OSBPL9: variants seen among roughly 807,000 people sequenced by gnomAD.
The protein encoded by OSBPL9 is oxysterol-binding protein-related protein 9.
A neutral mutation model predicts 106.6 loss-of-function variants in OSBPL9; 40 were observed. The observed-to-expected ratio is 0.38, with a 90% confidence interval of 0.29 to 0.49. The LOEUF (loss-of-function observed/expected upper bound fraction) is 0.49. OSBPL9 is among the 20% of genes least tolerant of loss of function. The pLI is 0.97. For synonymous variants in OSBPL9, 269 were observed against 295.4 expected (o/e 0.91, Z 0.92); for missense variants, 609 against 887.2 (o/e 0.69, Z 3.98).
chr1:51,683,957 G>A (rs936891879), intron 3 of OSBPL9, among the ~76,000 whole-genome samples: 2 of 151,972 alleles, frequency 1.3e-5, no homozygotes, highest in African/African-American at 2.4e-5. Context: ...TTGGTCAAAG[G>A]GTACAAAGTT....
upstream of OSBPL9, among the ~76,000 whole-genome samples, chr1:51,615,292 A>C (rs182617754): frequency 2.0e-4 from 31 of 152,206 alleles, no homozygotes; most frequent in East Asian, 3.7e-3. Context: ...AACAAAAAAA[A>C]CAGAAACTCA....
chr1:51,745,438 A>G (rs905467029), intron 4 of OSBPL9, 98 bp from the exon 5 acceptor site: 12 of 1,504,326 alleles, frequency 8.0e-6, no homozygotes, highest in Non-Finnish European at 1.1e-5. Context: ...TGTATTTTAA[A>G]AATTGAAATG....
chr1:51,745,666 A>G (rs1302691358), intron 5 of OSBPL9, 35 bp downstream of exon 5: 1 of 1,449,990 alleles, frequency 6.9e-7, no homozygotes, highest in South Asian at 1.5e-5. Flanking sequence ...ATTTATATAA[A>G]TAGAAAATGT....
chr1:51,608,943 T>C (rs954470778), intron 2 of OSBPL9, among the ~76,000 whole-genome samples: 5 of 152,160 alleles, frequency 3.3e-5, no homozygotes. Flanking sequence ...GGGACCCTTA[T>C]TGCTACTTCC....
intron 2 of OSBPL9, among the ~76,000 whole-genome samples, chr1:51,662,997 G>A (rs945549844): frequency 6.6e-6 from 1 of 152,018 alleles, no homozygotes; most frequent in African/African-American, 2.4e-5. Flanking sequence ...GCCCGCCTTG[G>A]CCTCCCAAAG....
intron 15 of OSBPL9, among the ~76,000 whole-genome samples, chr1:51,779,740 T>C (rs548909072): frequency 6.6e-6 from 1 of 151,776 alleles, no homozygotes; most frequent in African/African-American, 2.4e-5. Context: ...AAAAGTGGGC[T>C]AAGGACATGA....
chr1:51,662,270 T>G (rs546188735), intron 2 of OSBPL9, among the ~76,000 whole-genome samples: 14 of 152,140 alleles, frequency 9.2e-5, no homozygotes, highest in African/African-American at 2.4e-4. Context: ...GTATAAAGAC[T>G]TGAGTCTTGA....
chr1:51,558,149 G>A, the OSBPL9 span, among the ~76,000 whole-genome samples: 2 of 151,894 alleles, frequency 1.3e-5, no homozygotes, highest in African/African-American at 2.4e-5. Context: ...GCGTAGTGGC[G>A]GGCGCCTGTA....
the OSBPL9 span, chr1:51,519,318 G>T: frequency 1.5e-4 from 66 of 438,788 alleles, no homozygotes; most frequent in Admixed American, 2.4e-4. Context: ...GGCCGCAGGC[G>T]AGGCCGGGGC....
intron 2 of OSBPL9, among the ~76,000 whole-genome samples, chr1:51,666,445 A>G (rs942084788): frequency 6.6e-6 from 1 of 152,210 alleles, no homozygotes; most frequent in African/African-American, 2.4e-5. Flanking sequence ...TAAAATAATT[A>G]TTTTAAAAAT....
intron 1 of OSBPL9, among the ~76,000 whole-genome samples, chr1:51,621,782 T>C (rs551657857): frequency 1.3e-5 from 2 of 152,338 alleles, no homozygotes; most frequent in African/African-American, 4.8e-5. Flanking sequence ...ATTTACTCTG[T>C]AGAATTTTCT....
At chr1:51,545,104 A>C in the OSBPL9 span, among the ~76,000 whole-genome samples, 14 of 152,148 alleles carry the variant, frequency 9.2e-5, no homozygotes, top group Non-Finnish European at 1.6e-4. Flanking sequence ...TTGGCCTCCC[A>C]ATGTGCTGGG....
chr1:51,731,469 A>G (rs1664393368), intron 4 of OSBPL9, among the ~76,000 whole-genome samples: 1 of 152,004 alleles, frequency 6.6e-6, no homozygotes, highest in Non-Finnish European at 1.5e-5. Flanking sequence ...AAACAAAACA[A>G]AACAAAAAGG....
At chr1:51,703,159 T>C (rs1432754832) in intron 3 of OSBPL9, among the ~76,000 whole-genome samples, 1 of 152,208 alleles carries the variant, frequency 6.6e-6, no homozygotes, top group Non-Finnish European at 1.5e-5. Flanking sequence ...TTTAAAGTAG[T>C]TTTTTCCAAT....
the OSBPL9 span, among the ~76,000 whole-genome samples, chr1:51,536,265 A>G: frequency 6.6e-6 from 1 of 152,078 alleles, no homozygotes; most frequent in African/African-American, 2.4e-5. Context: ...CAGGTAATGC[A>G]TTATACTTAA....
chr1:51,528,800 C>T, the OSBPL9 span, among the ~76,000 whole-genome samples: 1 of 151,540 alleles, frequency 6.6e-6, no homozygotes. Flanking sequence ...TTCAGCCCTC[C>T]AGGGCAGAGG....
At chr1:51,781,097 G>T in intron 15 of OSBPL9, 67 bp from the exon 16 acceptor site, 1 of 1,495,092 alleles carries the variant, frequency 6.7e-7, no homozygotes, top group South Asian at 1.2e-5. Flanking sequence ...ACCATGCTGG[G>T]GGTTGTTGCA....
At chr1:51,735,056 G>A (rs1665354527) in intron 4 of OSBPL9, among the ~76,000 whole-genome samples, 1 of 152,136 alleles carries the variant, frequency 6.6e-6, no homozygotes, top group Admixed American at 6.5e-5. Context: ...TGCTCTAGGA[G>A]GCTGACTTTT....
chr1:51,654,708 CTAT>C (rs144832297), intron 2 of OSBPL9, among the ~76,000 whole-genome samples: 30 of 151,496 alleles, frequency 2.0e-4, no homozygotes, highest in South Asian at 4.2e-4. Context: ...TAAATACAGT[CTAT>C]TATTATTATT....
Sources: gnomAD v4.1 joint callset for allele counts (sites outside exome capture counted in the v4.1 genomes callset) on GRCh38, gnomAD v4.1.1 for gene constraint, MANE v1.5 for transcripts, NCBI Gene and HGNC (gene_info 2026-07-23, HGNC 2026-07-21) for gene names.